PPFIA2: variants seen among roughly 807,000 people sequenced by gnomAD.
The protein encoded by PPFIA2 is PPFI scaffold protein A2.
Under a neutral mutation model 175.5 loss-of-function variants are expected in PPFIA2, and 46 were observed. That is an observed-to-expected ratio of 0.26 (90% confidence interval 0.21 to 0.34). PPFIA2 has a LOEUF of 0.34. PPFIA2 is among the 10% of genes least tolerant of loss of function. PPFIA2 has a pLI of 1.00. For missense variants in PPFIA2, 1,179 were observed against 1,506.1 expected, an observed-to-expected ratio of 0.78 and a Z score of 3.60; for synonymous variants, 568 against 511.4, an observed-to-expected ratio of 1.11 and a Z score of -1.49.
chr12:81,543,566 T>C lies in PPFIA2; in HGVS notation c.304-85700A>G, dbSNP rs558116903. 1.2e-4 allele frequency among the ~76,000 whole-genome samples: 19 copies of C among 152,290 alleles called. No individual in the cohort carries two copies. In the East Asian group the frequency reaches 3.7e-3, roughly 29 times the overall value. On this transcript the variant is annotated intron_variant, in intron 4 of 32. Coordinates refer to ENST00000549396, the MANE Select transcript of PPFIA2 (RefSeq NM_003625.5). ...TTTGCAGAATTCAAAATAATTTATA[T>C]GGATACTCTTCCTTAAGTAGGTGGA...
intron 8 of PPFIA2, among the ~76,000 whole-genome samples, chr12:81,401,269 G>A (rs2042049720): frequency 6.6e-6 from 1 of 152,006 alleles, no homozygotes; most frequent in African/African-American, 2.4e-5. Context: ...TTAATAAATA[G>A]AATAAGCATT....
In PPFIA2 at chr12:81,339,191, A is replaced by C. The variant is rs754643849; in HGVS notation, c.2537T>G (p.Leu846Arg). Residue 846 changes from leucine (L) to arginine (R), a missense_variant, in exon 21 of 33, where the codon CTT (leucine) becomes CGT (arginine). By Grantham distance (102) the Leu-to-Arg change is moderately radical. Transcript: ENST00000549396. Reference protein sequence around the residue: ...RLFGKKEKARLGQLRGFMETE... With the variant: ...RLFGKKEKARRGQLRGFMETE... ...ACATGCATACTTACGGAGCTGCCCAAGTCGAGCTTTTTCTTTTTTACCAAA... is the reference window on the plus strand; with the variant it reads ...ACATGCATACTTACGGAGCTGCCCACGTCGAGCTTTTTCTTTTTTACCAAA... The C allele has an allele frequency of 6.3e-7, 1 of 1,599,776 alleles. No homozygotes were observed.
In PPFIA2 at chr12:81,682,955, A is replaced by G. The variant is rs1286566486; in HGVS notation, c.250-6111T>C. Among the ~76,000 whole-genome samples the G allele has an allele frequency of 5.3e-5, 8 of 152,126 alleles. No individual in the cohort carries two copies. In the East Asian group the frequency reaches 1.4e-3, roughly 26 times the overall value. ...TGGCTTTCATTTATTTTCACCCGCT[A>G]CATGATTTTATTTAGTACTGTGGCT... On this transcript the variant is annotated intron_variant, in intron 3 of 32. Coordinates refer to ENST00000549396, the MANE Select transcript of PPFIA2 (RefSeq NM_003625.5).
Position 81,362,802 on chromosome 12 carries a change from T to C in PPFIA2, c.1546-18A>G, listed in dbSNP as rs1032143794. 2.7e-6 allele frequency: 4 copies of C among 1,475,270 alleles called. No homozygotes were observed. Among genetic ancestry groups the C allele is most frequent in the African/African-American group, 1.4e-5 (1 of 71,442 alleles). 91.4% of individuals were successfully genotyped at this position (1,475,270 alleles called of 1,614,324 possible). ...AATCTTTCCTAAAAAATCAAAACAG[T>C]GTTACTCAGATGCCAGTAATATCAG... On this transcript the variant is annotated intron_variant, in intron 14 of 32. Coordinates refer to ENST00000549396, the MANE Select transcript of PPFIA2 (RefSeq NM_003625.5).
At chr12:81,410,357 A>C (rs1477823394) in intron 7 of PPFIA2, among the ~76,000 whole-genome samples, 6 of 152,098 alleles carry the variant, frequency 3.9e-5, no homozygotes. Context: ...ACTAAATCAG[A>C]AGTTAATAGC....
intron 5 of PPFIA2, among the ~76,000 whole-genome samples, chr12:81,453,045 G>A (rs556224780): frequency 3.1e-4 from 47 of 150,088 alleles, no homozygotes; most frequent in African/African-American, 9.8e-4. Context: ...TGCACATTGT[G>A]CAGGTTAGTT....
chr12:81,730,725 G>C (rs2080773063), intron 3 of PPFIA2, among the ~76,000 whole-genome samples: 1 of 151,478 alleles, frequency 6.6e-6, no homozygotes, highest in South Asian at 2.1e-4. Flanking sequence ...TGATATGTCT[G>C]CTATATGTTA....
intron 15 of PPFIA2, among the ~76,000 whole-genome samples, chr12:81,362,043 ATC>A (rs2030848419): frequency 1.4e-5 from 2 of 147,456 alleles, no homozygotes; most frequent in Non-Finnish European, 3.0e-5. Flanking sequence ...CTATCTATCT[ATC>A]TATCTATGAT....
intron 4 of PPFIA2, among the ~76,000 whole-genome samples, chr12:81,495,359 ATTC>A (rs917683352): frequency 1.3e-5 from 2 of 152,098 alleles, no homozygotes; most frequent in African/African-American, 2.4e-5. Context: ...AAAAACATAA[ATTC>A]TTCTTTAAAA....
intron 4 of PPFIA2, among the ~76,000 whole-genome samples, chr12:81,596,797 G>A (rs2059296429): frequency 6.6e-6 from 1 of 152,054 alleles, no homozygotes; most frequent in Non-Finnish European, 1.5e-5. Flanking sequence ...GCCACAATAA[G>A]CAGATCACCA....
intron 4 of PPFIA2, among the ~76,000 whole-genome samples, chr12:81,538,961 G>C (rs2065814921): frequency 6.6e-6 from 1 of 151,942 alleles, no homozygotes; most frequent in Admixed American, 6.6e-5. Context: ...TATGTAGTTA[G>C]AGGACTATTG....
chr12:81,322,526 A>C (rs2139661760), intron 22 of PPFIA2, among the ~76,000 whole-genome samples: 1 of 152,338 alleles, frequency 6.6e-6, no homozygotes, highest in Non-Finnish European at 1.5e-5. Flanking sequence ...TTTAAAAGGG[A>C]AAACCAATAA....
intron 4 of PPFIA2, among the ~76,000 whole-genome samples, chr12:81,552,633 G>T (rs895264464): frequency 2.8e-4 from 42 of 151,944 alleles, no homozygotes; most frequent in African/African-American, 7.7e-4. Flanking sequence ...TTAATGTTTG[G>T]TGGTTTAAAT....
chr12:81,715,554 C>T (rs927726345), intron 3 of PPFIA2, among the ~76,000 whole-genome samples: 2 of 151,560 alleles, frequency 1.3e-5, no homozygotes, highest in African/African-American at 4.8e-5. Flanking sequence ...GCTTTTTTCC[C>T]CCAGTAAGAT....
In PPFIA2 at chr12:81,536,083, T is replaced by A. The variant is rs1291732568; in HGVS notation, c.304-78217A>T. Among the ~76,000 whole-genome samples the A allele has an allele frequency of 2.0e-5, 3 of 151,748 alleles. No individual in the cohort carries two copies. The East Asian group carries it at 5.8e-4, about 29-fold the overall frequency. On this transcript the variant is annotated intron_variant, in intron 4 of 32. Coordinates refer to ENST00000549396, the MANE Select transcript of PPFIA2 (RefSeq NM_003625.5). The stretch of plus-strand genomic sequence containing the variant: ...TCTAAGTCTTCAGTGAATATATGAG[T>A]GTTATAAATATAGTCAGCATCTCAG...
intron 4 of PPFIA2, among the ~76,000 whole-genome samples, chr12:81,576,270 G>A (rs750818612): frequency 2.6e-5 from 4 of 151,704 alleles, no homozygotes; most frequent in Non-Finnish European, 5.9e-5. Flanking sequence ...TCTGAGATTT[G>A]AAGGATAAAG....
chr12:81,551,530 T>C (rs2067922145), intron 4 of PPFIA2, among the ~76,000 whole-genome samples: 2 of 151,998 alleles, frequency 1.3e-5, no homozygotes, highest in Admixed American at 1.3e-4. Flanking sequence ...GTATTCGCAT[T>C]GTATTAGATA....
At chr12:81,529,786 G>A (rs1198271631) in intron 4 of PPFIA2, among the ~76,000 whole-genome samples, 1 of 151,852 alleles carries the variant, frequency 6.6e-6, no homozygotes, top group Admixed American at 6.6e-5. Context: ...AAATTGTCCA[G>A]TTGGAGGAGA....
chr12:81,464,645 G>A (rs999941099), intron 4 of PPFIA2, among the ~76,000 whole-genome samples: 3 of 152,038 alleles, frequency 2.0e-5, no homozygotes, highest in Non-Finnish European at 4.4e-5. Flanking sequence ...AAATACAGGG[G>A]CAAAGCATAG....
Sources: allele counts gnomAD v4.1 joint callset (sites outside exome capture counted in the v4.1 genomes callset), GRCh38; gene constraint gnomAD v4.1.1; transcripts MANE v1.5; gene names NCBI Gene and HGNC (gene_info 2026-07-23, HGNC 2026-07-21).